NAT1: variants seen among roughly 807,000 people sequenced by gnomAD.
NAT1 encodes N-acetyltransferase 1.
For synonymous variants in NAT1, 144 were observed against 122.6 expected (o/e 1.17, Z -1.16); for missense variants, 400 against 339.2 (o/e 1.18, Z -1.41).
intron 2 of NAT1, among the ~76,000 whole-genome samples, chr8:18,179,096 G>T (rs1009976641): frequency 6.6e-6 from 1 of 151,902 alleles, no homozygotes; most frequent in Non-Finnish European, 1.5e-5. Flanking sequence ...TCCTCACTCT[G>T]TCCTGGCCAA....
chr8:18,171,384 T>C (rs76538733), intron 2 of NAT1, among the ~76,000 whole-genome samples: 4 of 51,806 alleles, frequency 7.7e-5, no homozygotes, highest in Non-Finnish European at 2.3e-4. Context: ...CCAAATTGCC[T>C]CCTTAAAAGA....
intron 2 of NAT1, among the ~76,000 whole-genome samples, chr8:18,187,713 G>C (rs1589065247): frequency 1.3e-5 from 2 of 151,812 alleles, no homozygotes; most frequent in South Asian, 4.2e-4. Context: ...AGGGTGGAGG[G>C]TGGGAGAAAA....
chr8:18,197,188 T>C (rs1170642390), intron 2 of NAT1, among the ~76,000 whole-genome samples: 9 of 152,184 alleles, frequency 5.9e-5, no homozygotes, highest in African/African-American at 2.2e-4. Flanking sequence ...ACCTCCTACC[T>C]GGTCCCTCCA....
chr8:18,211,210 C>G (rs978329852), intron 1 of NAT1: 7 of 152,254 alleles, frequency 4.6e-5, no homozygotes, highest in Admixed American at 2.6e-4. Flanking sequence ...GCATCACCCC[C>G]TGAACATGGA....
chr8:18,189,793 T>A (rs189390537), intron 2 of NAT1, among the ~76,000 whole-genome samples: 3 of 152,222 alleles, frequency 2.0e-5, no homozygotes, highest in Admixed American at 2.0e-4. Context: ...GTATTGACAT[T>A]TGATTATTAT....
At chr8:18,216,938 G>A in intron 1 of NAT1, 2 of 1,551,408 alleles carry the variant, frequency 1.3e-6, no homozygotes, top group South Asian at 1.2e-5. Flanking sequence ...TCGAGCCACA[G>A]GGTCCAGCTG....
intron 2 of NAT1, among the ~76,000 whole-genome samples, chr8:18,184,063 C>A (rs373413681): frequency 6.6e-6 from 1 of 152,052 alleles, no homozygotes; most frequent in Non-Finnish European, 1.5e-5. Flanking sequence ...GTCCCTGTTC[C>A]CATTGCTTCA....
chr8:18,199,410 G>A (rs1242914334), intron 2 of NAT1, among the ~76,000 whole-genome samples: 2 of 151,112 alleles, frequency 1.3e-5, no homozygotes, highest in Admixed American at 6.6e-5. Flanking sequence ...TTCCTTCCAT[G>A]CCTGTTCTTC....
Position 18,186,647 on chromosome 8 carries a change from A to G in NAT1, n.92+15908A>G, listed in dbSNP as rs975927522. On this transcript the variant is annotated intron_variant and non_coding_transcript_variant, in intron 2 of 4. Transcript: ENST00000517441. ...GTACTTGATTCATTTTTGCTTTTAG[A>G]ACAGTTGAATATCTTTTATTATTCC... 9.2e-5 allele frequency among the ~76,000 whole-genome samples: 14 copies of G among 152,176 alleles called. No individual in the cohort carries two copies. In the South Asian group the frequency reaches 2.7e-3, roughly 29 times the overall value.
chr8:18,207,690 T>A (rs545468570), upstream of NAT1, among the ~76,000 whole-genome samples: 1 of 152,342 alleles, frequency 6.6e-6, no homozygotes, highest in South Asian at 2.1e-4. Flanking sequence ...GTTCAATCAT[T>A]GTGGAAGATG....
At chr8:18,185,789 T>C (rs190003578) in intron 2 of NAT1, among the ~76,000 whole-genome samples, 62 of 152,250 alleles carry the variant, frequency 4.1e-4, no homozygotes, top group African/African-American at 1.5e-3. Context: ...TTCATATAAA[T>C]GCATATAAAT....
At chr8:18,185,489 A>G (rs895645619) in intron 2 of NAT1, among the ~76,000 whole-genome samples, 4 of 152,082 alleles carry the variant, frequency 2.6e-5, no homozygotes, top group Non-Finnish European at 5.9e-5. Flanking sequence ...TGAGTCTGTG[A>G]CAATATTCCC....
chr8:18,177,179 G>A (rs1459498420), intron 2 of NAT1, among the ~76,000 whole-genome samples: 2 of 151,844 alleles, frequency 1.3e-5, no homozygotes, highest in African/African-American at 2.4e-5. Flanking sequence ...TTCCTCATCT[G>A]TCTCTTCCCA....
At chr8:18,204,567 AC>A (rs1209027677) in intron 2 of NAT1, among the ~76,000 whole-genome samples, 2 of 151,816 alleles carry the variant, frequency 1.3e-5, no homozygotes, top group Non-Finnish European at 2.9e-5. Context: ...ATGATACAGA[AC>A]AAAATATATT....
intron 1 of NAT1, among the ~76,000 whole-genome samples, chr8:18,213,024 C>A (rs1461505309): frequency 6.6e-6 from 1 of 151,406 alleles, no homozygotes; most frequent in Non-Finnish European, 1.5e-5. Context: ...CCTGCATTAG[C>A]CTCTCAAATA....
chr8:18,216,842 G>C lies in NAT1; in HGVS notation c.-85-2569G>C. 2.3e-6 allele frequency: 3 copies of C among 1,301,112 alleles called. No homozygotes were observed. In the Admixed American group the frequency reaches 6.3e-5, roughly 27 times the overall value. The allele number at this position is 1,301,112 out of a possible 1,614,324, so 80.6% of individuals were successfully genotyped here. On this transcript the variant is annotated intron_variant, in intron 1 of 2. Transcript: ENST00000307719. ...GATGTGGCACAAAAATGGTAAGGGG[G>C]AACTCATAAGAACTCATAATTATTT...
chr8:18,203,924 T>C (rs1276414337), intron 2 of NAT1, among the ~76,000 whole-genome samples: 1 of 152,150 alleles, frequency 6.6e-6, no homozygotes, highest in Non-Finnish European at 1.5e-5. Flanking sequence ...GGTGGCTCCA[T>C]CTTCCCTTCT....
rs891394374 is a variant in NAT1, at chr8:18,222,884, T to G, written c.837T>G (p.Leu279=). Residue 279 remains leucine (L), a synonymous_variant, in exon 3 of 3, where the codon CTT becomes CTG. Coordinates refer to ENST00000307719, the MANE Select transcript of NAT1 (RefSeq NM_000662.8). The part of the protein sequence containing the change: ...NIFNISLQRK[L]VPKHGDRFFT... Reference sequence around the variant, plus strand: ...TTAATATTTCCTTGCAGAGAAAGCTTGTGCCCAAACATGGTGATAGATTTT... The same window carrying G: ...TTAATATTTCCTTGCAGAGAAAGCTGGTGCCCAAACATGGTGATAGATTTT... 3.8e-6 allele frequency: 6 copies of G among 1,578,850 alleles called. No homozygotes were observed. In the South Asian group the frequency reaches 6.0e-5, roughly 16 times the overall value.
intron 2 of NAT1, among the ~76,000 whole-genome samples, chr8:18,180,681 T>G (rs547742503): frequency 6.6e-6 from 1 of 152,170 alleles, no homozygotes; most frequent in East Asian, 1.9e-4. Context: ...AAAGAAATAA[T>G]AAGTGCATGA....
Sources: allele counts gnomAD v4.1 joint callset (sites outside exome capture counted in the v4.1 genomes callset), GRCh38; gene constraint gnomAD v4.1.1; transcripts MANE v1.5; gene names NCBI Gene and HGNC (gene_info 2026-07-23, HGNC 2026-07-21).